Variants in SMS observed in about 807,000 individuals in gnomAD.
SMS encodes spermidine aminopropyltransferase.
SMS carries 3 observed loss-of-function variants against 33.0 expected under a neutral mutation model. That is an observed-to-expected ratio of 0.09 (90% CI 0.04 to 0.23). SMS has a LOEUF of 0.23. Ranked by LOEUF, SMS falls within the 10% of genes least tolerant of loss-of-function variation. The pLI is 1.00. For missense variants in SMS, 117 were observed against 288.6 expected (o/e 0.41, Z 4.31); for synonymous variants, 103 against 112.2 (o/e 0.92, Z 0.52).
At chrX:21,940,944 T>A in intron 1 of SMS, 71 bp downstream of exon 1, 1 of 697,551 alleles carries the variant, frequency 1.4e-6, no homozygotes. Context: ...GGGGCGGGGG[T>A]CGGGCGTGGC....
chrX:21,950,335 G>A (rs1248593451), intron 1 of SMS, among the ~76,000 whole-genome samples: 6 of 110,801 alleles, frequency 5.4e-5, no homozygotes. Context: ...CTACGTGGGG[G>A]TTTGTCTAAT....
intron 1 of SMS, among the ~76,000 whole-genome samples, chrX:21,961,818 C>A (rs757739870): frequency 5.4e-5 from 6 of 112,040 alleles, no homozygotes; most frequent in African/African-American, 1.9e-4. Flanking sequence ...GCTGACTGAT[C>A]TACTAGTTAC....
intron 1 of SMS, among the ~76,000 whole-genome samples, chrX:21,945,634 T>TCCCCCCCCC (rs376720187): frequency 1.1e-3 from 36 of 34,115 alleles, no homozygotes; most frequent in African/African-American, 1.4e-3. Context: ...TTGCTTCCCG[T>TCCCCCCCCC]CCCCCCCCCC....
intron 1 of SMS, among the ~76,000 whole-genome samples, chrX:21,962,589 C>T (rs1199833662): frequency 8.9e-6 from 1 of 111,783 alleles, no homozygotes; most frequent in African/African-American, 3.3e-5. Flanking sequence ...GCCTGGGGCC[C>T]ACCCCCACAT....
intron 1 of SMS, among the ~76,000 whole-genome samples, chrX:21,960,204 C>T (rs1006366882): frequency 1.8e-5 from 2 of 110,631 alleles, no homozygotes; most frequent in African/African-American, 6.6e-5. Context: ...ATGGGGATGA[C>T]TAAACACCCC....
intron 10 of SMS, among the ~76,000 whole-genome samples, chrX:21,994,062 A>G (rs1219983880): frequency 9.1e-6 from 1 of 109,605 alleles, no homozygotes; most frequent in Non-Finnish European, 1.9e-5. Context: ...CAGTAGTGTT[A>G]CCTGAGAGAA....
intron 2 of SMS, among the ~76,000 whole-genome samples, chrX:21,969,149 C>G (rs1221434148): frequency 9.0e-6 from 1 of 111,360 alleles, no homozygotes; most frequent in East Asian, 2.8e-4. Flanking sequence ...GCCCCTTCCA[C>G]TATTCTCTCT....
intron 8 of SMS, among the ~76,000 whole-genome samples, chrX:21,984,631 G>A (rs1039651850): frequency 4.5e-5 from 5 of 111,903 alleles, no homozygotes; most frequent in African/African-American, 1.6e-4. Flanking sequence ...CAAAAATGAA[G>A]TAAAATGACT....
chrX:21,961,373 G>A (rs866603216), intron 1 of SMS, among the ~76,000 whole-genome samples: 1 of 110,658 alleles, frequency 9.0e-6, no homozygotes, highest in Middle Eastern at 4.6e-3. Flanking sequence ...GGCTGGTGAT[G>A]TAACCATCGA....
chrX:21,948,699 A>T (rs774138707), intron 1 of SMS, among the ~76,000 whole-genome samples: 2 of 111,615 alleles, frequency 1.8e-5, no homozygotes, highest in Non-Finnish European at 3.8e-5. Flanking sequence ...CACCATGGTT[A>T]TGCTAACCTT....
chrX:21,977,247 C>T lies in SMS; in HGVS notation c.505+11C>T. ...TTAGTGGGGATGTTAGTAAGTATTCCATCCCTGCCCCGATCACGTAACAAA... is the reference window on the plus strand; with the variant it reads ...TTAGTGGGGATGTTAGTAAGTATTCTATCCCTGCCCCGATCACGTAACAAA... On this transcript the variant is annotated intron_variant, in intron 5 of 10. Coordinates refer to ENST00000404933, the MANE Select transcript of SMS (RefSeq NM_004595.5). 2 of 1,175,814 alleles carry T rather than the reference C, an allele frequency of 1.7e-6. No homozygotes were observed. The highest frequency in any genetic ancestry group is 2.3e-6 in the Non-Finnish European group (2 of 862,723).
In SMS at chrX:21,972,552, A is replaced by G. The variant is rs767100593; in HGVS notation, c.310A>G (p.Ser104Gly). The change falls in exon 4 of 11, where the codon AGT (serine) becomes GGT (glycine). Residue 104 changes from serine to glycine, a missense_variant. By Grantham distance (56) the Ser-to-Gly change is moderately conservative. Transcript: ENST00000404933. ...EERMKELSQD[S>G]TGRVKRLPPI... ...AAGAATGAAAGAATTGAGTCAGGAC[A>G]GTACTGGGCGGGTGAAACGGTAAGT... 1 of 1,185,260 alleles carries G rather than the reference A, an allele frequency of 8.4e-7. No individual in the cohort carries two copies. The highest frequency in any genetic ancestry group is 1.1e-6 in the Non-Finnish European group (1 of 871,344).
At chrX:21,945,156 T>C (rs942787298) in intron 1 of SMS, among the ~76,000 whole-genome samples, 1 of 111,919 alleles carries the variant, frequency 8.9e-6, no homozygotes, top group African/African-American at 3.3e-5. Context: ...CACCAGGGTC[T>C]GTATCCTGGA....
intron 2 of SMS, among the ~76,000 whole-genome samples, chrX:21,971,199 G>GA (rs75873786): frequency 3.6e-4 from 36 of 100,754 alleles, no homozygotes; most frequent in East Asian, 1.5e-3. Flanking sequence ...CTCCATCTCA[G>GA]AAAAAAAAAA....
chrX:21,989,847 C>T (rs754019728), intron 9 of SMS, among the ~76,000 whole-genome samples: 2 of 110,783 alleles, frequency 1.8e-5, no homozygotes, highest in Non-Finnish European at 3.8e-5. Flanking sequence ...GGTTCAAGCA[C>T]CTCTCCTGCC....
chrX:21,977,754 A>G, intron 5 of SMS, among the ~76,000 whole-genome samples: 1 of 112,530 alleles, frequency 8.9e-6, no homozygotes. Context: ...CCCACTGACT[A>G]ATGTCCATTT....
intron 7 of SMS, among the ~76,000 whole-genome samples, chrX:21,980,450 A>ATATATATG (rs1475390873): frequency 1.0e-5 from 1 of 99,664 alleles, no homozygotes; most frequent in Admixed American, 1.1e-4. Flanking sequence ...ATATATATAT[A>ATATATATG]TATTTCCATC....
Position 21,960,035 on chromosome X carries a change from C to CTG in SMS, c.50-7161_50-7160insTG. ...CGTGAGTGACTGTCTGTGTGTACAT[C>CTG]CGTGTGTGTGTGTGTAGGGGCACTG... is the stretch of plus-strand genomic sequence containing the variant. On this transcript the variant is annotated intron_variant, in intron 1 of 10. Transcript: ENST00000404933. The CTG allele has an allele frequency of 4.7e-6, 2 of 423,633 alleles. 1 individual carries two copies. The highest frequency in any genetic ancestry group is 5.4e-5 in the African/African-American group (2 of 37,230). 34.9% of individuals were successfully genotyped at this position (423,633 alleles called of 1,213,427 possible). A position where few individuals can be genotyped will look rare whatever the true frequency, so the allele number is the denominator to read the frequency against.
intron 1 of SMS, among the ~76,000 whole-genome samples, chrX:21,943,701 G>A (rs918435675): frequency 1.1e-4 from 12 of 111,111 alleles, no homozygotes; most frequent in African/African-American, 2.9e-4. Flanking sequence ...TGTTCTGGGC[G>A]TAAGAACTCC....
Sources: allele counts gnomAD v4.1 joint callset (sites outside exome capture counted in the v4.1 genomes callset), GRCh38; gene constraint gnomAD v4.1.1; transcripts MANE v1.5; gene names NCBI Gene and HGNC (gene_info 2026-07-23, HGNC 2026-07-21).